TNPO1: variants seen among roughly 807,000 people sequenced by gnomAD.
The protein encoded by TNPO1 is transportin-1.
In TNPO1, 8 loss-of-function variants were observed where a neutral mutation model predicts 119.5. The ratio of observed to expected loss-of-function variants is 0.07; its 90% CI spans 0.04 to 0.12. The LOEUF (loss-of-function observed/expected upper bound fraction) is 0.12. TNPO1 is among the 10% of genes least tolerant of loss of function. The probability of loss-of-function intolerance (pLI) is 1.00; values close to 1 mark genes in which losing one functional copy is unlikely to be tolerated. For missense variants in TNPO1, 576 were observed against 1,089.8 expected, an observed-to-expected ratio of 0.53 and a Z score of 6.64; for synonymous variants, 362 against 363.0, an observed-to-expected ratio of 1.00 and a Z score of 0.03.
At chr5:72,820,197 T>G (rs1743891032) in intron 1 of TNPO1, among the ~76,000 whole-genome samples, 1 of 152,190 alleles carries the variant, frequency 6.6e-6, no homozygotes, top group African/African-American at 2.4e-5. Context: ...GGATTTCTCA[T>G]TATTAAACAG....
In TNPO1 at chr5:72,896,559, A is replaced by G; in HGVS notation, c.2242+3A>G. On this transcript the variant is annotated splice_donor_region_variant and intron_variant, in intron 19 of 24. Transcript: ENST00000337273. ...TGGAGAAATCTCCATTCAAATGGGT[A>G]AGATGTTTTTCCCTATTTAAAAGCA... The G allele has an allele frequency of 7.5e-6, 12 of 1,609,176 alleles. No individual in the cohort carries two copies. Among genetic ancestry groups the G allele is most frequent in the East Asian group, 2.2e-5 (1 of 44,692 alleles).
At chr5:72,818,996 A>G (rs1010146301) in intron 1 of TNPO1, among the ~76,000 whole-genome samples, 1 of 152,250 alleles carries the variant, frequency 6.6e-6, no homozygotes, top group South Asian at 2.1e-4. Flanking sequence ...AATGGAAGAC[A>G]GATGTTTGCA....
chr5:72,886,797 G>A (rs868383747), intron 11 of TNPO1, among the ~76,000 whole-genome samples: 32 of 150,398 alleles, frequency 2.1e-4, no homozygotes, highest in South Asian at 6.4e-4. Flanking sequence ...GCTAAAGCGG[G>A]AGAATCACTT....
At chr5:72,828,306 A>G (rs1744293502) in intron 1 of TNPO1, among the ~76,000 whole-genome samples, 1 of 152,180 alleles carries the variant, frequency 6.6e-6, no homozygotes, top group African/African-American at 2.4e-5. Flanking sequence ...ACAACTTTCA[A>G]GATGTTTCTG....
In TNPO1 at chr5:72,886,842, T is replaced by C. The variant is rs186650345; in HGVS notation, c.1151-228T>C. On this transcript the variant is annotated intron_variant, in intron 11 of 24. Transcript: ENST00000337273. ...AGGCAGAGGTTGCAGTGAGCCAAGA[T>C]CGCACCACTGCACTCCAGCCTGAGC... is the stretch of plus-strand genomic sequence containing the variant. Among the ~76,000 whole-genome samples, 19 of 126,202 alleles carry C rather than the reference T, an allele frequency of 1.5e-4. No homozygotes were observed. In the East Asian group the frequency reaches 4.3e-3, roughly 29 times the overall value. The allele number at this position is 126,202 out of a possible 152,430, so 82.8% of individuals were successfully genotyped here. A position where few individuals can be genotyped will look rare whatever the true frequency, so the allele number is the denominator to read the frequency against.
At position 72,851,203 on chromosome 5, in the gene TNPO1, A is replaced by G. The variant is rs753293145; in HGVS notation, c.130-41A>G. ...ATTTAAAATGCTTAATTTCTTCCTG[A>G]GATTACACAGAGAAGTTTCCTTAAC... On this transcript the variant is annotated intron_variant, in intron 2 of 24. Coordinates refer to ENST00000337273, the MANE Select transcript of TNPO1 (RefSeq NM_002270.4). The G allele has an allele frequency of 5.7e-5, 67 of 1,184,700 alleles. No individual in the cohort carries two copies. The Admixed American group carries it at 1.3e-3, about 23-fold the overall frequency. The allele number at this position is 1,184,700 out of a possible 1,614,324, so 73.4% of individuals were successfully genotyped here.
intron 11 of TNPO1, among the ~76,000 whole-genome samples, chr5:72,883,846 G>A (rs1470043907): frequency 6.6e-6 from 1 of 152,050 alleles, no homozygotes; most frequent in Non-Finnish European, 1.5e-5. Flanking sequence ...CTGGGCTCTG[G>A]TGATCCTCCC....
intron 3 of TNPO1, among the ~76,000 whole-genome samples, chr5:72,851,893 A>G (rs1580393766): frequency 6.6e-6 from 1 of 152,254 alleles, no homozygotes; most frequent in Non-Finnish European, 1.5e-5. Context: ...GCTTTCATGC[A>G]TATAGATGGA....
intron 1 of TNPO1, among the ~76,000 whole-genome samples, chr5:72,841,701 C>T (rs1407391589): frequency 1.3e-5 from 2 of 152,146 alleles, no homozygotes; most frequent in African/African-American, 2.4e-5. Flanking sequence ...AGTTTGTCAA[C>T]GTTTTGATTC....
At chr5:72,826,625 G>C (rs1273998603) in intron 1 of TNPO1, among the ~76,000 whole-genome samples, 2 of 152,154 alleles carry the variant, frequency 1.3e-5, no homozygotes, top group African/African-American at 4.8e-5. Flanking sequence ...GTGCAAAATG[G>C]TAATTATGTT....
At chr5:72,886,942 T>A (rs1748696124) in intron 11 of TNPO1, 128 bp from the exon 12 acceptor site, 25 of 463,258 alleles carry the variant, frequency 5.4e-5, no homozygotes, top group Non-Finnish European at 6.3e-5. Context: ...ACAAACTACC[T>A]CCTATTCAAT....
At chr5:72,821,791 T>G (rs1164624180) in intron 1 of TNPO1, among the ~76,000 whole-genome samples, 1 of 152,136 alleles carries the variant, frequency 6.6e-6, no homozygotes, top group Non-Finnish European at 1.5e-5. Flanking sequence ...CTGGAGCATT[T>G]TGGGAACTAG....
intron 20 of TNPO1, among the ~76,000 whole-genome samples, chr5:72,899,166 A>G (rs1028187554): frequency 1.3e-5 from 2 of 152,170 alleles, no homozygotes; most frequent in African/African-American, 2.4e-5. Flanking sequence ...ATTTTGTGCT[A>G]TACCTTTAAT....
At chr5:72,847,399 A>T (rs916477135) in intron 1 of TNPO1, among the ~76,000 whole-genome samples, 4 of 152,222 alleles carry the variant, frequency 2.6e-5, no homozygotes, top group African/African-American at 9.7e-5. Context: ...GATGCAACTC[A>T]TAGTAGCTTT....
chr5:72,873,720 C>T (rs1648435838), intron 7 of TNPO1, among the ~76,000 whole-genome samples: 1 of 152,032 alleles, frequency 6.6e-6, no homozygotes, highest in Non-Finnish European at 1.5e-5. Flanking sequence ...TGTTCAAATC[C>T]AGCGTCTCAG....
chr5:72,846,580 T>C (rs913034130), intron 1 of TNPO1, among the ~76,000 whole-genome samples: 18 of 152,224 alleles, frequency 1.2e-4, no homozygotes, highest in Non-Finnish European at 2.5e-4. Context: ...ATAATATTTG[T>C]AGTTTTTTAA....
chr5:72,816,732 T>C lies in TNPO1; in HGVS notation c.-6T>C, dbSNP rs1210996152. On this transcript the variant is annotated 5_prime_UTR_variant, in exon 1 of 25. Coordinates refer to ENST00000337273, the MANE Select transcript of TNPO1 (RefSeq NM_002270.4). ...GCCGAAGGCCCGAGCGCCCGAGGCG[T>C]CTGGGATGGTGTGGGACCGGGTAGG... The C allele has an allele frequency of 6.3e-7, 1 of 1,580,698 alleles. No individual in the cohort carries two copies. The highest frequency in any genetic ancestry group is 8.6e-7 in the Non-Finnish European group (1 of 1,165,556).
rs1430732240 is a variant in TNPO1 at position 72,821,537 on chromosome 5, T to C, written c.15+4785T>C. Among the ~76,000 whole-genome samples, 6 of 152,182 alleles carry C rather than the reference T, an allele frequency of 3.9e-5. No individual in the cohort carries two copies. In the East Asian group the frequency reaches 1.2e-3, roughly 29 times the overall value. On this transcript the variant is annotated intron_variant, in intron 1 of 24. Coordinates refer to ENST00000337273, the MANE Select transcript of TNPO1 (RefSeq NM_002270.4). ...TTGAAAAATATTTAATGAAATTAAATATATATTTTGACTGGAGCATAGCAG... is the reference window on the plus strand; with the variant it reads ...TTGAAAAATATTTAATGAAATTAAACATATATTTTGACTGGAGCATAGCAG...
At chr5:72,892,816 A>T (rs1167744290) in intron 15 of TNPO1, among the ~76,000 whole-genome samples, 1 of 152,154 alleles carries the variant, frequency 6.6e-6, no homozygotes, top group Admixed American at 6.5e-5. Context: ...CATTCACAAC[A>T]TTGACCAGGA....
Sources: allele counts gnomAD v4.1 joint callset (sites outside exome capture counted in the v4.1 genomes callset), GRCh38; gene constraint gnomAD v4.1.1; transcripts MANE v1.5; gene names NCBI Gene and HGNC (gene_info 2026-07-23, HGNC 2026-07-21).